SMARCC2: variants seen among roughly 807,000 people sequenced by gnomAD.
SMARCC2 encodes SWI/SNF complex subunit SMARCC2.
In SMARCC2, 15 loss-of-function variants were observed where a neutral mutation model predicts 151.3. The observed-to-expected ratio is 0.10, with a 90% CI of 0.07 to 0.15. The LOEUF (loss-of-function observed/expected upper bound fraction) is 0.15, where lower values mean the gene tolerates loss of function less well. SMARCC2 is among the 10% of genes least tolerant of loss of function. SMARCC2 has a pLI of 1.00. For missense variants in SMARCC2, 1,031 were observed against 1,599.7 expected, an observed-to-expected ratio of 0.64 and a Z score of 6.06; for synonymous variants, 590 against 609.5, an observed-to-expected ratio of 0.97 and a Z score of 0.47.
chr12:56,168,957 G>C (rs558397938), intron 25 of SMARCC2, among the ~76,000 whole-genome samples: 2 of 150,608 alleles, frequency 1.3e-5, no homozygotes, highest in African/African-American at 4.9e-5. Context: ...TCCAGCCTGG[G>C]CAACAGAGTG....
At chr12:56,186,353 T>A in intron 2 of SMARCC2, 113 bp from the exon 3 acceptor site, 1 of 600,350 alleles carries the variant, frequency 1.7e-6, no homozygotes, top group South Asian at 2.1e-5. Context: ...ATCTCCCTTT[T>A]TTTTTTTTTT....
chr12:56,173,891 G>T, intron 16 of SMARCC2, 42 bp from the exon 17 acceptor site: 1 of 1,575,534 alleles, frequency 6.3e-7, no homozygotes, highest in South Asian at 1.1e-5. Flanking sequence ...CGGATAGCCA[G>T]AAAGGTGCAC....
intron 5 of SMARCC2, 56 bp downstream of exon 5, chr12:56,184,769 GCTGCTGCTTGGTATAGAAA>G: frequency 1.1e-6 from 1 of 873,110 alleles, no homozygotes. Flanking sequence ...GTAATTCAGG[GCTGCTGCTTGGTATAGAAA>G]ACACTGGGAA....
At chr12:56,164,809 A>T in intron 27 of SMARCC2, 78 bp from the exon 28 acceptor site, 1 of 1,173,626 alleles carries the variant, frequency 8.5e-7, no homozygotes, top group Non-Finnish European at 1.2e-6. Context: ...TTTTTTTTTT[A>T]GACGGAGTCT....
intron 5 of SMARCC2, 70 bp downstream of exon 5, chr12:56,184,774 T>C (rs908706592): frequency 1.1e-6 from 1 of 924,306 alleles, no homozygotes; most frequent in South Asian, 1.4e-5. Flanking sequence ...TCAGGGCTGC[T>C]GCTTGGTATA....
In SMARCC2 at chr12:56,178,036, G is replaced by A. The variant is rs1875370559; in HGVS notation, c.1368C>T (p.Ser456=). 6.2e-7 allele frequency: 1 copy of A among 1,611,456 alleles called. No homozygotes were observed. Among genetic ancestry groups the A allele is most frequent in the Non-Finnish European group, 8.5e-7 (1 of 1,177,670 alleles). Residue 456 remains serine, a synonymous_variant, in exon 15 of 29, where the codon TCC becomes TCT. Transcript: ENST00000550164. Reference sequence around the variant, plus strand: ...GATTTCCTTACATCTCTGGAGTCTTGGACTTGTTCTTGCCGTTGAAGAACT... The same window carrying A: ...GATTTCCTTACATCTCTGGAGTCTTAGACTTGTTCTTGCCGTTGAAGAACT... The part of the protein sequence containing the change: ...LPEFFNGKNK[S]KTPEIYLAYR...
intron 20 of SMARCC2, 166 bp downstream of exon 20, chr12:56,172,262 C>T (rs568942734): frequency 4.6e-4 from 274 of 598,654 alleles, no homozygotes; most frequent in African/African-American, 4.4e-3. Context: ...TAAAATTTTT[C>T]GTAGAGACGG....
rs1458363149 is a variant in SMARCC2 at position 56,163,175 on chromosome 12, G to A, written c.*514C>T. 1.6e-4 allele frequency: 25 copies of A among 151,994 alleles called. No individual in the cohort carries two copies. Among genetic ancestry groups the A allele is most frequent in the Admixed American group, 1.4e-3 (22 of 15,244 alleles). The allele number at this position is 151,994 out of a possible 1,614,324, so 9.4% of individuals were successfully genotyped here. On this transcript the variant is annotated 3_prime_UTR_variant, in exon 29 of 29. Transcript: ENST00000550164. ...ACTTAGTCACTAAAAAGGGGCTTGG[G>A]GAGAGATGGAATCTGCGCCCTGTTC...
Position 56,171,284 on chromosome 12 carries a change from C to T in SMARCC2, c.2334G>A (p.Glu778=). The T allele has an allele frequency of 1.2e-6, 2 of 1,614,230 alleles. No individual in the cohort carries two copies. The highest frequency in any genetic ancestry group is 1.7e-6 in the Non-Finnish European group (2 of 1,180,038). Residue 778 remains glutamate (E), a synonymous_variant, in exon 22 of 29, where the codon GAG becomes GAA. Transcript: ENST00000550164. The surrounding 1 kb of genome is among the most constrained non-coding windows in gnomAD (Gnocchi z 4.2). Reference sequence around the variant, plus strand: ...GCCTGGCCTTACCAATCCGCTCAGGCTCATCAGAGGTGGTTCCTGCAATGC... The same window carrying T: ...GCCTGGCCTTACCAATCCGCTCAGGTTCATCAGAGGTGGTTCCTGCAATGC... ...SSGIAGTTSD[E]PERIEESGND...
Position 56,164,651 on chromosome 12 carries a change from C to A in SMARCC2, c.3313G>T (p.Ala1105Ser), listed in dbSNP as rs774751083. 2 of 1,612,504 alleles carry A rather than the reference C, an allele frequency of 1.2e-6. No individual in the cohort carries two copies. Among genetic ancestry groups the A allele is most frequent in the Non-Finnish European group, 1.7e-6 (2 of 1,179,308 alleles). Residue 1105 changes from alanine (A) to serine (S), a missense_variant, in exon 28 of 29, where the codon GCG (alanine) becomes TCG (serine). Physicochemically the swap from Ala to Ser is moderately conservative, Grantham distance 99 (BLOSUM62 1). Around this residue, in one of 12 missense-constraint regions of SMARCC2, gnomAD observed 310 missense variants for 350.0 expected, o/e 0.89. Transcript: ENST00000550164. The part of the protein sequence containing the change: ...AVPGSGHPGV[A>S]GNAPLGLPFG... ...GGCAAACCCAAAGGAGCATTACCCGCCACGCCTGGGTGCCCGCTGCCTGGC... is the reference window on the plus strand; with the variant it reads ...GGCAAACCCAAAGGAGCATTACCCGACACGCCTGGGTGCCCGCTGCCTGGC...
Position 56,180,878 on chromosome 12 carries a change from T to C in SMARCC2, c.1081+99A>G, listed in dbSNP as rs928328586. 2.2e-5 allele frequency: 28 copies of C among 1,245,156 alleles called. No individual in the cohort carries two copies. The African/African-American group carries it at 4.2e-4, about 19-fold the overall frequency. 77.1% of individuals were successfully genotyped at this position (1,245,156 alleles called of 1,614,324 possible). On this transcript the variant is annotated intron_variant, in intron 11 of 28. Transcript: ENST00000550164. ...AATTTAAGGAAAAGATCCTGTAGAC[T>C]GGGAGGTGGACCTGAGAAATCAGCT...
At chr12:56,180,812 G>A (rs1592313934) in intron 11 of SMARCC2, among the ~76,000 whole-genome samples, 165 bp downstream of exon 11, 1 of 152,156 alleles carries the variant, frequency 6.6e-6, no homozygotes, top group South Asian at 2.1e-4. Flanking sequence ...TACAGTTAGA[G>A]GATTTTCCAG....
intron 15 of SMARCC2, among the ~76,000 whole-genome samples, chr12:56,175,409 TCAGC>T (rs1172777215): frequency 6.6e-6 from 1 of 152,244 alleles, no homozygotes; most frequent in African/African-American, 2.4e-5. Flanking sequence ...ATATAGCTAG[TCAGC>T]ATACCACGGT....
rs144685761 is a variant in SMARCC2 at position 56,165,330 on chromosome 12, G to A, written c.3220C>T (p.Pro1074Ser). The A allele has an allele frequency of 5.5e-5, 82 of 1,494,804 alleles. No homozygotes were observed. Among genetic ancestry groups the A allele is most frequent in the South Asian group, 1.9e-4 (14 of 72,088 alleles). 92.6% of individuals were successfully genotyped at this position (1,494,804 alleles called of 1,614,324 possible). A position where few individuals can be genotyped will look rare whatever the true frequency, so the allele number is the denominator to read the frequency against. Residue 1074 changes from proline (P) to serine (S), a missense_variant, in exon 27 of 29, where the codon CCT becomes TCT. Pro to Ser is a moderately conservative substitution (Grantham distance 74). Coordinates refer to ENST00000550164, the MANE Select transcript of SMARCC2 (RefSeq NM_001330288.2). ...PGAVPPGVPP[P>S]GPHGPSPFPN... ...ACATAACACTTACCATGGGGTCCAG[G>A]GGGGGGAACCCCTGGTGGGACTGCC...
At chr12:56,178,344 C>T in intron 14 of SMARCC2, 60 bp downstream of exon 14, 2 of 1,586,476 alleles carry the variant, frequency 1.3e-6, no homozygotes, top group South Asian at 1.1e-5. Context: ...AGAAGAACAG[C>T]CTGTTGACCC....
chr12:56,162,564 G>A lies in SMARCC2; in HGVS notation c.*1125C>T. The A allele has an allele frequency of 2.1e-6, 1 of 475,556 alleles. No individual in the cohort carries two copies. The highest frequency in any genetic ancestry group is 3.4e-5 in the East Asian group (1 of 29,188). 29.5% of individuals were successfully genotyped at this position (475,556 alleles called of 1,614,324 possible). A position where few individuals can be genotyped will look rare whatever the true frequency, so the allele number is the denominator to read the frequency against. ...GTCACACCTGCCTTCCCGTCACAGG[G>A]GAGAAGCTGGGACACGTGGAGCAGG... On this transcript the variant is annotated 3_prime_UTR_variant, in exon 29 of 29. Coordinates refer to ENST00000550164, the MANE Select transcript of SMARCC2 (RefSeq NM_001330288.2).
In SMARCC2 at chr12:56,162,376, T is replaced by C; in HGVS notation, c.*1313A>G. The C allele has an allele frequency of 1.7e-6, 1 of 596,134 alleles. No individual in the cohort carries two copies. The highest frequency in any genetic ancestry group is 2.9e-5 in the East Asian group (1 of 34,258). The allele number at this position is 596,134 out of a possible 1,614,324, so 36.9% of individuals were successfully genotyped here. On this transcript the variant is annotated 3_prime_UTR_variant, in exon 29 of 29. Coordinates refer to ENST00000550164, the MANE Select transcript of SMARCC2 (RefSeq NM_001330288.2). ...CCACAAGATGGAACTGAAAGCAAAT[T>C]AATTTATAAAAAAAAAAAAAAGAAA...
intron 11 of SMARCC2, among the ~76,000 whole-genome samples, chr12:56,179,991 T>C (rs940753427): frequency 2.0e-5 from 3 of 152,002 alleles, no homozygotes; most frequent in African/African-American, 7.2e-5. Flanking sequence ...TGATTCTTCA[T>C]GTTTGTTTTT....
intron 28 of SMARCC2, 126 bp from the exon 29 acceptor site, chr12:56,163,891 A>G (rs1266055377): frequency 1.7e-6 from 1 of 584,442 alleles, no homozygotes; most frequent in East Asian, 3.4e-5. Flanking sequence ...AGGTACCCAT[A>G]ATGTTCAACT....
Sources: allele counts gnomAD v4.1 joint callset (sites outside exome capture counted in the v4.1 genomes callset), GRCh38; gene constraint gnomAD v4.1.1; regional missense constraint gnomAD v4.1.1; non-coding constraint Gnocchi (gnomAD v3.1); transcripts MANE v1.5; gene names NCBI Gene and HGNC (gene_info 2026-07-23, HGNC 2026-07-21).